The following HPSE2 variants were observed in gnomAD, a reference collection of about 807,000 sequenced individuals.
HPSE2 encodes the protein heparanase 2 (inactive), also known as inactive heparanase-2.
In HPSE2, 38 loss-of-function variants were observed where a neutral mutation model predicts 60.5. The ratio of observed to expected loss-of-function variants is 0.63; its 90% CI spans 0.48 to 0.82. HPSE2 has a LOEUF of 0.82. Ranked by LOEUF, HPSE2 falls within the 40% of genes least tolerant of loss-of-function variation. The pLI, the probability that HPSE2 is intolerant of heterozygous loss-of-function variation, is 0.00. For missense variants in HPSE2, 713 were observed against 740.4 expected (o/e 0.96, Z 0.43); for synonymous variants, 295 against 293.2 (o/e 1.01, Z -0.06).
chr10:98,723,809 T>C (rs1448046528), intron 4 of HPSE2, among the ~76,000 whole-genome samples: 2 of 152,184 alleles, frequency 1.3e-5, no homozygotes, highest in Non-Finnish European at 2.9e-5. Flanking sequence ...TCGGTGGTGA[T>C]ATCCCCTTTG....
chr10:98,822,661 G>A (rs1213432222), intron 3 of HPSE2, among the ~76,000 whole-genome samples: 1 of 152,092 alleles, frequency 6.6e-6, no homozygotes, highest in Non-Finnish European at 1.5e-5. Flanking sequence ...CCCATAATAT[G>A]TTACTGAAAA....
At chr10:98,738,300 A>G (rs560141712) in intron 4 of HPSE2, among the ~76,000 whole-genome samples, 1 of 152,224 alleles carries the variant, frequency 6.6e-6, no homozygotes, top group East Asian at 1.9e-4. Context: ...TGGACCCCTT[A>G]CTTATACCTT....
At chr10:98,821,738 T>C (rs1951429410) in intron 3 of HPSE2, among the ~76,000 whole-genome samples, 1 of 152,202 alleles carries the variant, frequency 6.6e-6, no homozygotes, top group South Asian at 2.1e-4. Flanking sequence ...ATGGAACTTT[T>C]GTCAATAATT....
chr10:99,111,526 A>C (rs1353507862), intron 3 of HPSE2, among the ~76,000 whole-genome samples: 2 of 152,220 alleles, frequency 1.3e-5, no homozygotes, highest in East Asian at 3.8e-4. Context: ...GAAAAAGAAC[A>C]AGAAGGAAGA....
At chr10:98,800,540 G>T (rs1950882418) in intron 3 of HPSE2, among the ~76,000 whole-genome samples, 1 of 149,734 alleles carries the variant, frequency 6.7e-6, no homozygotes, top group Non-Finnish European at 1.5e-5. Context: ...TTAAAAAGGA[G>T]ATATTACAAC....
At chr10:98,542,254 T>A (rs1943496181) in intron 9 of HPSE2, among the ~76,000 whole-genome samples, 2 of 152,164 alleles carry the variant, frequency 1.3e-5, no homozygotes, top group Non-Finnish European at 2.9e-5. Flanking sequence ...CCAACAGACC[T>A]GCAGCTGAGG....
intron 3 of HPSE2, among the ~76,000 whole-genome samples, chr10:99,019,716 G>GTT (rs527577817): frequency 2.5e-4 from 36 of 144,838 alleles, no homozygotes; most frequent in African/African-American, 4.8e-4. Flanking sequence ...GTTTTTTGTT[G>GTT]TTTTTTTTTT....
intron 3 of HPSE2, among the ~76,000 whole-genome samples, chr10:98,876,230 A>T (rs985205648): frequency 7.9e-5 from 12 of 151,126 alleles, no homozygotes; most frequent in African/African-American, 2.7e-4. Flanking sequence ...TTTGAGAAGT[A>T]AAAAAAAAGT....
At chr10:98,847,044 G>A (rs1952051351) in intron 3 of HPSE2, among the ~76,000 whole-genome samples, 1 of 152,202 alleles carries the variant, frequency 6.6e-6, no homozygotes, top group Non-Finnish European at 1.5e-5. Context: ...GATGGGTGAA[G>A]TTAACCCAAG....
intron 3 of HPSE2, among the ~76,000 whole-genome samples, chr10:98,772,985 T>C (rs915450186): frequency 6.6e-6 from 1 of 152,146 alleles, no homozygotes; most frequent in South Asian, 2.1e-4. Context: ...TTATGATTGA[T>C]TAGGAAGGAC....
At chr10:99,091,756 T>C (rs1843522720) in intron 3 of HPSE2, among the ~76,000 whole-genome samples, 1 of 152,234 alleles carries the variant, frequency 6.6e-6, no homozygotes, top group Non-Finnish European at 1.5e-5. Context: ...CTATGTCCCC[T>C]ATTTCAAATG....
chr10:98,568,812 G>A (rs1301838942), intron 9 of HPSE2, among the ~76,000 whole-genome samples: 1 of 152,122 alleles, frequency 6.6e-6, no homozygotes, highest in African/African-American at 2.4e-5. Context: ...TTTCCACCCA[G>A]CTAAGGAAGA....
chr10:99,181,174 G>A (rs10786516), intron 2 of HPSE2, among the ~76,000 whole-genome samples: 81,831 of 150,282 alleles, frequency 0.54, 24,055 homozygotes, highest in East Asian at 0.65. Context: ...CGAGGCGGGC[G>A]GATCACGAGG....
At chr10:98,655,119 C>A (rs968168646) in intron 6 of HPSE2, among the ~76,000 whole-genome samples, 4 of 152,060 alleles carry the variant, frequency 2.6e-5, no homozygotes, top group African/African-American at 4.8e-5. Flanking sequence ...TGATCTTCAC[C>A]TTTTTTTCCC....
intron 7 of HPSE2, among the ~76,000 whole-genome samples, chr10:98,629,458 A>G (rs974443842): frequency 6.6e-6 from 1 of 152,188 alleles, no homozygotes; most frequent in Non-Finnish European, 1.5e-5. Context: ...ATAAGTGGTC[A>G]AGGCGAGAGC....
chr10:98,874,291 G>A (rs1378559868), intron 3 of HPSE2, among the ~76,000 whole-genome samples: 1 of 151,694 alleles, frequency 6.6e-6, no homozygotes, highest in African/African-American at 2.4e-5. Flanking sequence ...CCATGCCTAT[G>A]TCCTGAATGG....
the HPSE2 span, among the ~76,000 whole-genome samples, chr10:99,264,873 CT>C: frequency 5.3e-5 from 8 of 152,090 alleles, no homozygotes; most frequent in African/African-American, 1.9e-4. Flanking sequence ...CACACCACCC[CT>C]AATCCCACTA....
intron 6 of HPSE2, among the ~76,000 whole-genome samples, chr10:98,685,758 T>G (rs1265300849): frequency 6.6e-6 from 1 of 152,188 alleles, no homozygotes; most frequent in Admixed American, 6.5e-5. Context: ...TTCCTTTGGG[T>G]AAATAACTAG....
chr10:98,861,779 G>A (rs748696787), intron 3 of HPSE2, among the ~76,000 whole-genome samples: 17 of 152,074 alleles, frequency 1.1e-4, no homozygotes, highest in Non-Finnish European at 2.2e-4. Flanking sequence ...TAATGATGCT[G>A]GGTGCTTTCA....
Sources: gnomAD v4.1 joint callset for allele counts (sites outside exome capture counted in the v4.1 genomes callset) on GRCh38, gnomAD v4.1.1 for gene constraint, MANE v1.5 for transcripts, NCBI Gene and HGNC (gene_info 2026-07-23, HGNC 2026-07-21) for gene names.